The following LINS1 variants were observed in gnomAD, a reference collection of about 807,000 sequenced individuals.
The protein encoded by LINS1 is protein Lines homolog 1.
In LINS1, 27 loss-of-function variants were observed where a neutral mutation model predicts 41.6. That is an observed-to-expected ratio of 0.65 (90% CI 0.48 to 0.89). The LOEUF (loss-of-function observed/expected upper bound fraction) is 0.89, where lower values mean the gene tolerates loss of function less well. Ranked by LOEUF, LINS1 falls within the 40% of genes least tolerant of loss-of-function variation. The probability of loss-of-function intolerance (pLI) is 0.00; values close to 1 mark genes in which losing one functional copy is unlikely to be tolerated. For synonymous variants in LINS1, 336 were observed against 312.9 expected (o/e 1.07, Z -0.78); for missense variants, 955 against 884.1 (o/e 1.08, Z -1.02).
At chr15:100,574,344 G>C in intron 4 of LINS1, 103 bp from the exon 5 acceptor site, 3 of 794,940 alleles carry the variant, frequency 3.8e-6, no homozygotes, top group Non-Finnish European at 6.2e-6. Context: ...TGAAAAAACA[G>C]ATTTGGAATG....
At position 100,572,083 on chromosome 15, in the gene LINS1, T is replaced by C; in HGVS notation, c.1223-18A>G. Reference sequence around the variant, plus strand: ...TAAGTCAACTTCAAAAAATGAAAATTTCAAAGTGTAGGCAATAGTTTATGA... The same window carrying C: ...TAAGTCAACTTCAAAAAATGAAAATCTCAAAGTGTAGGCAATAGTTTATGA... On this transcript the variant is annotated intron_variant, in intron 5 of 6. Coordinates refer to ENST00000314742, the MANE Select transcript of LINS1 (RefSeq NM_001040616.3). 1 of 1,613,850 alleles carries C rather than the reference T, an allele frequency of 6.2e-7. No homozygotes were observed.
chr15:100,580,305 T>C lies in LINS1; in HGVS notation c.447A>G (p.Ala149=). ...NSDKLLSHMA[A]QCLALLLYFQ... ...AATATAGAAGCAATGCAAGGCACTG[T>C]GCAGCCATGTGAGATAACAATTTAT... Residue 149 remains alanine, a synonymous_variant, in exon 3 of 7, where the codon GCA becomes GCG. Transcript: ENST00000314742. 2 of 1,613,028 alleles carry C rather than the reference T, an allele frequency of 1.2e-6. No individual in the cohort carries two copies. The highest frequency in any genetic ancestry group is 2.2e-5 in the East Asian group (1 of 44,838).
chr15:100,572,906 T>A (rs1326656604), intron 5 of LINS1: 1 of 686,738 alleles, frequency 1.5e-6, no homozygotes, highest in Admixed American at 6.3e-5. Context: ...GTATGAAGGA[T>A]TAATACAAAT....
intron 1 of LINS1, among the ~76,000 whole-genome samples, chr15:100,582,411 A>C (rs929478072): frequency 1.5e-5 from 2 of 136,808 alleles, no homozygotes; most frequent in Non-Finnish European, 3.1e-5. Flanking sequence ...ACTATGGCCC[A>C]CTAGCCTAGT....
intron 3 of LINS1, among the ~76,000 whole-genome samples, chr15:100,578,003 T>C (rs1001363831): frequency 2.0e-5 from 3 of 152,098 alleles, no homozygotes; most frequent in Non-Finnish European, 4.4e-5. Flanking sequence ...CTCTTCCTTA[T>C]ACCTTATACA....
At chr15:100,578,008 T>C (rs1278905586) in intron 3 of LINS1, among the ~76,000 whole-genome samples, 1 of 152,136 alleles carries the variant, frequency 6.6e-6, no homozygotes, top group Non-Finnish European at 1.5e-5. Context: ...CCTTATACCT[T>C]ATACAAAAAT....
chr15:100,573,256 T>C (rs2037944962), intron 5 of LINS1: 1 of 489,266 alleles, frequency 2.0e-6, no homozygotes, highest in East Asian at 1.2e-4. Context: ...AGGAATAGCA[T>C]GGGCCGAAGG....
In LINS1 at chr15:100,573,889, A is replaced by G. The variant is rs2037995481; in HGVS notation, c.984T>C (p.His328=). 1 of 1,614,046 alleles carries G rather than the reference A, an allele frequency of 6.2e-7. No individual in the cohort carries two copies. The highest frequency in any genetic ancestry group is 8.5e-7 in the Non-Finnish European group (1 of 1,180,018). ...AAGCCAGCATGTCCACCGCTACATG[A>G]TGGTCTGGCGGCATTAAGGCAGGCA... is the stretch of plus-strand genomic sequence containing the variant. ...GSVPALMPPD[H]HVAVDMLALA... The change falls in exon 5 of 7, where the codon CAT becomes CAC. Residue 328 remains histidine (H), a synonymous_variant. Transcript: ENST00000314742.
intron 5 of LINS1, chr15:100,573,321 A>T: frequency 9.3e-7 from 1 of 1,073,896 alleles, no homozygotes; most frequent in Non-Finnish European, 1.2e-6. Flanking sequence ...GATTAAAAAA[A>T]AAAAAAGGAT....
In LINS1 at chr15:100,569,808, G is replaced by A; in HGVS notation, c.1704C>T (p.Ser568=). Residue 568 remains serine, a synonymous_variant, in exon 7 of 7, where the codon AGC becomes AGT. Transcript: ENST00000314742. ...GCVPSLVQDQ[S]SNQTIPHRLT... is the part of the protein sequence containing the mutation. Reference sequence around the variant, plus strand: ...AACGATGGGGTATTGTTTGGTTGGAGCTTTGGTCTTGGACAAGTGAGGGGA... The same window carrying A: ...AACGATGGGGTATTGTTTGGTTGGAACTTTGGTCTTGGACAAGTGAGGGGA... The A allele has an allele frequency of 1.2e-6, 2 of 1,614,116 alleles. No individual in the cohort carries two copies. The highest frequency in any genetic ancestry group is 2.7e-5 in the African/African-American group (2 of 75,018).
At chr15:100,575,732 C>T (rs536304221) in intron 3 of LINS1, among the ~76,000 whole-genome samples, 2 of 152,324 alleles carry the variant, frequency 1.3e-5, no homozygotes, top group South Asian at 2.1e-4. Context: ...TTCTTCTCAG[C>T]ACCACACCAC....
chr15:100,573,314 TAA>T (rs111346334), intron 5 of LINS1: 13,964 of 826,020 alleles, frequency 0.017, no homozygotes, highest in East Asian at 0.037. Context: ...CAGTTTAGAT[TAA>T]AAAAAAAAAA....
In LINS1 at chr15:100,569,327, T is replaced by G; in HGVS notation, c.2185A>C (p.Lys729Gln). The change falls in exon 7 of 7, where the codon AAA (lysine) becomes CAA (glutamine). Residue 729 changes from lysine to glutamine, a missense_variant. By Grantham distance (53) the Lys-to-Gln change is moderately conservative. Transcript: ENST00000314742. Reference sequence around the variant, plus strand: ...GTTGGATTATATGGGAAAAGATTTTTCTTTTGCAAACGGCAGATGGCATCT... The same window carrying G: ...GTTGGATTATATGGGAAAAGATTTTGCTTTTGCAAACGGCAGATGGCATCT... ...LQDAICRLQK[K>Q]NLFPYNPTAL... 1 of 1,614,068 alleles carries G rather than the reference T, an allele frequency of 6.2e-7. No homozygotes were observed. Among genetic ancestry groups the G allele is most frequent in the Non-Finnish European group, 8.5e-7 (1 of 1,179,932 alleles).
rs542582614 is a variant in LINS1, at chr15:100,571,816, C to T, written c.1394+78G>A. 56 of 1,526,240 alleles carry T rather than the reference C, an allele frequency of 3.7e-5. No individual in the cohort carries two copies. In the South Asian group the frequency reaches 4.3e-4, roughly 12 times the overall value. The allele number at this position is 1,526,240 out of a possible 1,614,324, so 94.5% of individuals were successfully genotyped here. On this transcript the variant is annotated intron_variant, in intron 6 of 6. Coordinates refer to ENST00000314742, the MANE Select transcript of LINS1 (RefSeq NM_001040616.3). ...CCCCAAATGATGAAAGTAAGCAACACGCCCAGCACATTCTCAGAAATGTTT... is the reference window on the plus strand; with the variant it reads ...CCCCAAATGATGAAAGTAAGCAACATGCCCAGCACATTCTCAGAAATGTTT...
intron 5 of LINS1, chr15:100,572,311 C>T (rs1034352859): frequency 4.7e-6 from 6 of 1,285,410 alleles, no homozygotes; most frequent in Non-Finnish European, 5.9e-6. Context: ...CATCTATTTG[C>T]AACAACTGCC....
chr15:100,584,586 T>C (rs1415664051), intron 1 of LINS1, among the ~76,000 whole-genome samples: 2 of 152,054 alleles, frequency 1.3e-5, no homozygotes, highest in East Asian at 1.9e-4. Flanking sequence ...AAAAAAAGTA[T>C]TGGGGTTATG....
chr15:100,600,202 C>T (rs7177883), intron 1 of LINS1, among the ~76,000 whole-genome samples: 1 of 152,004 alleles, frequency 6.6e-6, no homozygotes, highest in East Asian at 1.9e-4. Context: ...GGGCTGAAAA[C>T]GGTTGAAGAA....
At chr15:100,578,173 T>C (rs1211635276) in intron 3 of LINS1, among the ~76,000 whole-genome samples, 2 of 151,824 alleles carry the variant, frequency 1.3e-5, no homozygotes, top group Admixed American at 6.6e-5. Context: ...AATAGAGAAA[T>C]GGGATCTAAT....
intron 1 of LINS1, chr15:100,597,004 C>T (rs115929252): frequency 1.1e-3 from 173 of 152,366 alleles, no homozygotes; most frequent in African/African-American, 3.9e-3. Flanking sequence ...TGGAAACCCT[C>T]TCCTTTCATC....
Sources: allele counts gnomAD v4.1 joint callset (sites outside exome capture counted in the v4.1 genomes callset), GRCh38; gene constraint gnomAD v4.1.1; transcripts MANE v1.5; gene names NCBI Gene and HGNC (gene_info 2026-07-23, HGNC 2026-07-21).